Variants in TRMU observed in about 807,000 individuals in gnomAD.
TRMU encodes the protein mitochondrial tRNA-specific 2-thiouridylase 1.
A neutral mutation model predicts 46.9 loss-of-function variants in TRMU; 49 were observed. The observed-to-expected ratio is 1.05, with a 90% CI of 0.83 to 1.33. The LOEUF is 1.33. Among genes scored for constraint, TRMU ranks in the 40% most tolerant of loss-of-function variants. The pLI is 0.00. For synonymous variants in TRMU, 241 were observed against 200.9 expected, an observed-to-expected ratio of 1.20 and a Z score of -1.69; for missense variants, 572 against 532.4, an observed-to-expected ratio of 1.07 and a Z score of -0.73.
chr22:46,335,769 A>G lies in TRMU; in HGVS notation c.5A>G (p.Gln2Arg), dbSNP rs750081134. The G allele has an allele frequency of 6.4e-7, 1 of 1,551,704 alleles. No individual in the cohort carries two copies. Among genetic ancestry groups the G allele is most frequent in the Non-Finnish European group, 8.7e-7 (1 of 1,152,424 alleles). The stretch of plus-strand genomic sequence containing the variant: ...GCGAAGTTGGGCGACTGGCGGATGC[A>G]GGCCTTGCGGCACGTCGTGTGCGCC... M[Q>R]ALRHVVCALS... The change falls in exon 1 of 11, where the codon CAG (glutamine) becomes CGG (arginine). Residue 2 changes from glutamine (Q) to arginine (R), a missense_variant. Physicochemically the swap from Gln to Arg is conservative, Grantham distance 43 (BLOSUM62 1). Coordinates refer to ENST00000645190, the MANE Select transcript of TRMU (RefSeq NM_018006.5).
In TRMU at chr22:46,349,116, C is replaced by T. The variant is rs1406870325; in HGVS notation, c.479-1175C>T. 1.1e-4 allele frequency among the ~76,000 whole-genome samples: 16 copies of T among 149,454 alleles called. No homozygotes were observed. Among genetic ancestry groups the T allele is most frequent in the Non-Finnish European group, 1.9e-4 (13 of 67,640 alleles). Reference sequence around the variant, plus strand: ...ATGTGCCACTGCACTCCAGCCTGGGCGACAGAGCGAGACTCCATCTCAAAA... The same window carrying T: ...ATGTGCCACTGCACTCCAGCCTGGGTGACAGAGCGAGACTCCATCTCAAAA... On this transcript the variant is annotated intron_variant, in intron 4 of 10. Coordinates refer to ENST00000645190, the MANE Select transcript of TRMU (RefSeq NM_018006.5). This position sits in a 1 kb window ranked among gnomAD's most constrained non-coding sequence, Gnocchi z 4.6.
rs1338508173 is a variant in TRMU at position 46,357,158 on chromosome 22, GAGCCCCAGGAAGAGCCTC to G, written c.*156_*173del. On this transcript the variant is annotated 3_prime_UTR_variant, in exon 11 of 11. Transcript: ENST00000645190. ...TCCGAAAAGCCTGCAGGGGCCCGGC[GAGCCCCAGGAAGAGCCTC>G]AGCTCCAGGCTGGGGCTCTGGCTGC... 1.9e-6 allele frequency: 2 copies of G among 1,036,112 alleles called. No homozygotes were observed. The highest frequency in any genetic ancestry group is 2.9e-6 in the Non-Finnish European group (2 of 699,324). 64.2% of individuals were successfully genotyped at this position (1,036,112 alleles called of 1,614,324 possible).
chr22:46,341,037 T>A (rs1326701339), intron 2 of TRMU, among the ~76,000 whole-genome samples: 1 of 152,244 alleles, frequency 6.6e-6, no homozygotes, highest in Non-Finnish European at 1.5e-5. Context: ...CAAGACCCAC[T>A]GGCCTTCAAG....
chr22:46,353,269 A>T, intron 7 of TRMU: 1 of 193,708 alleles, frequency 5.2e-6, no homozygotes, highest in South Asian at 9.6e-5. Flanking sequence ...AAATCCCATG[A>T]GGTTCTCTCT....
In TRMU at chr22:46,343,231, T is replaced by C. The variant is rs1246812287; in HGVS notation, c.249-31T>C. 2.7e-6 allele frequency: 4 copies of C among 1,458,938 alleles called. No individual in the cohort carries two copies. The Admixed American group carries it at 6.8e-5, about 25-fold the overall frequency. 90.4% of individuals were successfully genotyped at this position (1,458,938 alleles called of 1,614,324 possible). Reference sequence around the variant, plus strand: ...TTTTTTTTTGAGGAATGTTTCACACTTGGAACTGAAGTCATTTTCTTTTAT... The same window carrying C: ...TTTTTTTTTGAGGAATGTTTCACACCTGGAACTGAAGTCATTTTCTTTTAT... On this transcript the variant is annotated intron_variant, in intron 2 of 10. Transcript: ENST00000645190.
chr22:46,351,973 G>A lies in TRMU; in HGVS notation c.652-148G>A, dbSNP rs963718165. On this transcript the variant is annotated intron_variant, in intron 5 of 10. Coordinates refer to ENST00000645190, the MANE Select transcript of TRMU (RefSeq NM_018006.5). The surrounding 1 kb of genome is among the most constrained non-coding windows in gnomAD (Gnocchi z 6.4). ...TGTGCGCCGGCTGTGACTGGCGGCCGAGGGTGCCGGTGGGCAGCCGGGCCC... is the reference window on the plus strand; with the variant it reads ...TGTGCGCCGGCTGTGACTGGCGGCCAAGGGTGCCGGTGGGCAGCCGGGCCC... The A allele has an allele frequency of 1.9e-5, 16 of 855,124 alleles. 1 individual carries two copies. Among genetic ancestry groups the A allele is most frequent in the Admixed American group, 1.0e-4 (6 of 58,590 alleles). The allele number at this position is 855,124 out of a possible 1,614,324, so 53.0% of individuals were successfully genotyped here.
At chr22:46,355,350 T>C (rs1057100483) in intron 8 of TRMU, 94 bp from the exon 9 acceptor site, 22 of 1,532,062 alleles carry the variant, frequency 1.4e-5, no homozygotes, top group Non-Finnish European at 1.9e-5. Flanking sequence ...TGTGTGTGTG[T>C]GCTGGTAGGA....
rs184545437 is a variant in TRMU, at chr22:46,350,709, G to T, written c.651+246G>T. On this transcript the variant is annotated intron_variant, in intron 5 of 10. Transcript: ENST00000645190. The surrounding 1 kb of genome is among the most constrained non-coding windows in gnomAD (Gnocchi z 4.6). The stretch of plus-strand genomic sequence containing the variant: ...CTCCTCTGCCCCTATGTGGTAGGCA[G>T]CTTTCCCCACAGCCTTAGCAGCTGG... 2.2e-4 allele frequency among the ~76,000 whole-genome samples: 33 copies of T among 152,310 alleles called. No homozygotes were observed. In the East Asian group the frequency reaches 6.2e-3, roughly 29 times the overall value.
chr22:46,337,363 ATTATCT>A (rs1035708865), intron 1 of TRMU, among the ~76,000 whole-genome samples: 5 of 152,248 alleles, frequency 3.3e-5, no homozygotes, highest in South Asian at 2.1e-4. Flanking sequence ...GAAAATTTTA[ATTATCT>A]TTATATCTGA....
At chr22:46,353,576 A>G in intron 7 of TRMU, 191 bp from the exon 8 acceptor site, 1 of 559,798 alleles carries the variant, frequency 1.8e-6, no homozygotes, top group Non-Finnish European at 3.4e-6. Context: ...CCAGGCCTGG[A>G]CAATGATGAG....
chr22:46,346,370 G>T (rs547617426), intron 3 of TRMU, 52 bp from the exon 4 acceptor site: 1 of 1,595,664 alleles, frequency 6.3e-7, no homozygotes, highest in East Asian at 2.3e-5. Flanking sequence ...GCTGATCAAG[G>T]CCTGCAAGTA....
rs139463781 is a variant in TRMU, at chr22:46,350,731, C to G, written c.651+268C>G. Among the ~76,000 whole-genome samples the G allele has an allele frequency of 2.0e-5, 3 of 152,334 alleles. No individual in the cohort carries two copies. Among genetic ancestry groups the G allele is most frequent in the East Asian group, 3.9e-4 (2 of 5,174 alleles). ...GCAGCTTTCCCCACAGCCTTAGCAGCTGGTGGGGTGCTCTTGGGATGGCCT... is the reference window on the plus strand; with the variant it reads ...GCAGCTTTCCCCACAGCCTTAGCAGGTGGTGGGGTGCTCTTGGGATGGCCT... On this transcript the variant is annotated intron_variant, in intron 5 of 10. Transcript: ENST00000645190. The surrounding 1 kb of genome is among the most constrained non-coding windows in gnomAD (Gnocchi z 4.6).
At chr22:46,353,222 C>G (rs2078490281) in intron 7 of TRMU, 1 of 180,238 alleles carries the variant, frequency 5.5e-6, no homozygotes, top group Non-Finnish European at 1.2e-5. Flanking sequence ...CTGCAGTTCA[C>G]TTCACTGAAG....
chr22:46,340,637 C>T (rs1265067776), intron 2 of TRMU, among the ~76,000 whole-genome samples: 3 of 120,004 alleles, frequency 2.5e-5, no homozygotes, highest in East Asian at 5.1e-4. Flanking sequence ...GAATTAGGAG[C>T]GGAGCTGGGA....
Position 46,337,791 on chromosome 22 carries a change from CAG to C in TRMU, c.96_97del (p.Phe35TyrfsTer9), listed in dbSNP as rs762738569. 1.2e-5 allele frequency: 20 copies of C among 1,614,082 alleles called. No homozygotes were observed. Among genetic ancestry groups the C allele is most frequent in the Admixed American group, 1.7e-5 (1 of 60,010 alleles). ...TTCCCGCCCGCAGGTTACCAGGTGA[CAG>C]GGGTGTTTATGAAGAACTGGGACTC... On this transcript the variant is annotated frameshift_variant, in exon 2 of 11. Transcript: ENST00000645190. LOFTEE classifies it high-confidence loss of function.
intron 7 of TRMU, chr22:46,352,821 G>A (rs2078474617): frequency 3.7e-6 from 1 of 267,668 alleles, no homozygotes; most frequent in Non-Finnish European, 7.3e-6. Flanking sequence ...AGCCTGTGCT[G>A]TGCCTGGTGT....
At position 46,341,313 on chromosome 22, in the gene TRMU, A is replaced by G. The variant is rs116844814; in HGVS notation, c.249-1949A>G. On this transcript the variant is annotated intron_variant, in intron 2 of 10. Coordinates refer to ENST00000645190, the MANE Select transcript of TRMU (RefSeq NM_018006.5). ...AGTTTGTTGGGTCTAGGACACAGAC[A>G]CAGATTGCACCTTAAGTAGTTTATA... is the stretch of plus-strand genomic sequence containing the variant. Among the ~76,000 whole-genome samples, 246 of 152,376 alleles carry G rather than the reference A, an allele frequency of 1.6e-3. 7 individuals carry two copies. In the East Asian group the frequency reaches 0.044, roughly 27 times the overall value.
Position 46,350,131 on chromosome 22 carries a change from T to TA in TRMU, c.479-158dup, listed in dbSNP as rs1390518119. Reference sequence around the variant, plus strand: ...TTGGAGGTGCGAATTTTTCTTACATTAACCCGTGGTGGTCTTTTCCCTAGT... The same window carrying TA: ...TTGGAGGTGCGAATTTTTCTTACATTAAACCCGTGGTGGTCTTTTCCCTAGT... On this transcript the variant is annotated intron_variant, in intron 4 of 10. Transcript: ENST00000645190. This position sits in a 1 kb window ranked among gnomAD's most constrained non-coding sequence, Gnocchi z 4.6. 6.6e-6 allele frequency among the ~76,000 whole-genome samples: 1 copy of TA among 152,202 alleles called. No homozygotes were observed. The highest frequency in any genetic ancestry group is 2.4e-5 in the African/African-American group (1 of 41,456).
chr22:46,339,768 C>A lies in TRMU; in HGVS notation c.248+1824C>A, dbSNP rs2078072752. Among the ~76,000 whole-genome samples, 2 of 152,132 alleles carry A rather than the reference C, an allele frequency of 1.3e-5. No individual in the cohort carries two copies. Among genetic ancestry groups the A allele is most frequent in the South Asian group, 4.1e-4 (2 of 4,828 alleles). On this transcript the variant is annotated intron_variant, in intron 2 of 10. Coordinates refer to ENST00000645190, the MANE Select transcript of TRMU (RefSeq NM_018006.5). The surrounding 1 kb of genome is among the most constrained non-coding windows in gnomAD (Gnocchi z 4.8). ...GCTTGAATATGAACCCTCTGTGACTCTATGCTATAACATATGGGTGTCGTA... is the reference window on the plus strand; with the variant it reads ...GCTTGAATATGAACCCTCTGTGACTATATGCTATAACATATGGGTGTCGTA...
Sources: gnomAD v4.1 joint callset for allele counts (sites outside exome capture counted in the v4.1 genomes callset) on GRCh38, gnomAD v4.1.1 for gene constraint, Gnocchi (gnomAD v3.1) non-coding constraint, MANE v1.5 for transcripts, NCBI Gene and HGNC (gene_info 2026-07-23, HGNC 2026-07-21) for gene names.